CUX1: variants seen among roughly 807,000 people sequenced by gnomAD.
The protein encoded by CUX1 is cut like homeobox 1.
In CUX1, 31 loss-of-function variants were observed where a neutral mutation model predicts 158.8. The ratio of observed to expected loss-of-function variants is 0.20; its 90% CI spans 0.15 to 0.26. The LOEUF (loss-of-function observed/expected upper bound fraction) is 0.26. CUX1 is among the 10% of genes least tolerant of loss of function. The pLI is 1.00. For synonymous variants in CUX1, 879 were observed against 862.1 expected (o/e 1.02, Z -0.34); for missense variants, 1,589 against 2,014.6 (o/e 0.79, Z 4.04).
chr7:101,929,936 G>A (rs1472262537), intron 2 of CUX1, among the ~76,000 whole-genome samples: 1 of 152,098 alleles, frequency 6.6e-6, no homozygotes, highest in African/African-American at 2.4e-5. Flanking sequence ...CTACCTCCCG[G>A]GTTCAAGCGA....
chr7:102,141,789 A>ATTTTTTTTTTTTT (rs71123009), intron 8 of CUX1, among the ~76,000 whole-genome samples: 350 of 102,536 alleles, frequency 3.4e-3, no homozygotes, highest in East Asian at 4.8e-3. Flanking sequence ...CTCTCAGCTA[A>ATTTTTTTTTTTTT]TTTTTTTTTT....
chr7:101,952,518 C>G (rs867414288), intron 2 of CUX1, among the ~76,000 whole-genome samples: 29 of 152,230 alleles, frequency 1.9e-4, no homozygotes, highest in Non-Finnish European at 1.0e-4. Flanking sequence ...TACGGAACCC[C>G]GAGTACCTTT....
chr7:102,252,956 G>C lies in CUX1; in HGVS notation c.*3914G>C. 1 of 985,380 alleles carries C rather than the reference G, an allele frequency of 1.0e-6. No individual in the cohort carries two copies. The highest frequency in any genetic ancestry group is 1.2e-6 in the Non-Finnish European group (1 of 829,934). 61.0% of individuals were successfully genotyped at this position (985,380 alleles called of 1,614,324 possible). On this transcript the variant is annotated 3_prime_UTR_variant, in exon 24 of 24. Transcript: ENST00000292535. ...TGACAGCCCAGGGATGCATGCATGG[G>C]AGAACTCTCTGAGAAATGCCAGGAT... is the stretch of plus-strand genomic sequence containing the variant.
rs1823380587 is a variant in CUX1, at chr7:102,050,616, C to T, written c.190-19723C>T. ...TATGCCCCATTTCGGGAGAGGTAAC[C>T]AGCCCCTAGTTGCCCTGGCCAGAAC... On this transcript the variant is annotated intron_variant, in intron 3 of 23. Coordinates refer to ENST00000292535, the MANE Select transcript of CUX1 (RefSeq NM_181552.4). 2.0e-5 allele frequency among the ~76,000 whole-genome samples: 3 copies of T among 152,226 alleles called. No individual in the cohort carries two copies. In the South Asian group the frequency reaches 6.2e-4, roughly 32 times the overall value.
At chr7:102,134,531 G>A (rs531348782) in intron 8 of CUX1, among the ~76,000 whole-genome samples, 7 of 152,266 alleles carry the variant, frequency 4.6e-5, no homozygotes, top group South Asian at 2.1e-4. Context: ...AAGCATCTGC[G>A]TCAGACTGAC....
At chr7:101,817,061 C>T (rs1245534788), upstream of CUX1, 49 of 984,370 alleles carry the variant, frequency 5.0e-5, no homozygotes, top group Non-Finnish European at 5.9e-5. The surrounding 1 kb of genome is among the most constrained non-coding windows in gnomAD (Gnocchi z 4.1). Context: ...TTTGGGGAAA[C>T]TTGGCGAGGG....
chr7:102,262,247 CA>C (rs1328483537), downstream of CUX1, among the ~76,000 whole-genome samples: 18 of 152,116 alleles, frequency 1.2e-4, no homozygotes, highest in Admixed American at 7.9e-4. Flanking sequence ...ACTAAAAAGA[CA>C]AAAAAATTAG....
At chr7:101,929,410 C>A (rs1806037121) in intron 2 of CUX1, among the ~76,000 whole-genome samples, 1 of 152,064 alleles carries the variant, frequency 6.6e-6, no homozygotes, top group African/African-American at 2.4e-5. Context: ...TTGAGAGTAG[C>A]CCATAACTTG....
intron 2 of CUX1, among the ~76,000 whole-genome samples, chr7:101,946,575 G>T (rs1808405541): frequency 6.6e-6 from 1 of 151,576 alleles, no homozygotes; most frequent in Non-Finnish European, 1.5e-5. Flanking sequence ...AGAGAGAAGG[G>T]TTTCCAGCAG....
At chr7:102,144,635 C>T (rs996485738) in intron 8 of CUX1, among the ~76,000 whole-genome samples, 9 of 146,910 alleles carry the variant, frequency 6.1e-5, no homozygotes, top group African/African-American at 1.0e-4. Flanking sequence ...CACACCACTA[C>T]GCTCCAGCCT....
intron 21 of CUX1, among the ~76,000 whole-genome samples, chr7:102,229,769 C>A (rs781960306): frequency 2.5e-4 from 38 of 152,034 alleles, no homozygotes; most frequent in Non-Finnish European, 1.3e-4. Flanking sequence ...AGGTGCCCAC[C>A]ACCACGCCTG....
chr7:102,099,281 G>A (rs575082619), intron 5 of CUX1, among the ~76,000 whole-genome samples: 5 of 152,260 alleles, frequency 3.3e-5, no homozygotes, highest in African/African-American at 1.2e-4. Flanking sequence ...TTTAGGACTA[G>A]AAGGGACAAC....
At chr7:101,825,811 G>GCA (rs1793226888) in intron 1 of CUX1, among the ~76,000 whole-genome samples, 9 of 141,900 alleles carry the variant, frequency 6.3e-5, no homozygotes. Context: ...GCGCGCGCGC[G>GCA]CAGTTAGTCT....
At chr7:101,817,186 C>T (rs1490756791), upstream of CUX1, 68 of 984,284 alleles carry the variant, frequency 6.9e-5, no homozygotes, top group Non-Finnish European at 8.0e-5. The surrounding 1 kb of genome is among the most constrained non-coding windows in gnomAD (Gnocchi z 4.1). Context: ...AAGCTGTTCC[C>T]CCGGGTGCCC....
At chr7:102,180,108 C>A (rs1554513491) in intron 11 of CUX1, among the ~76,000 whole-genome samples, 1 of 152,100 alleles carries the variant, frequency 6.6e-6, no homozygotes, top group African/African-American at 2.4e-5. Flanking sequence ...ACTGCAACCT[C>A]CGCCTCCTGG....
intron 9 of CUX1, among the ~76,000 whole-genome samples, 196 bp downstream of exon 9, chr7:102,158,804 CAA>C (rs1790081933): frequency 1.3e-5 from 2 of 152,228 alleles, no homozygotes; most frequent in Non-Finnish European, 2.9e-5. Context: ...ATTTCCTTGG[CAA>C]AGTCTTTGAT....
rs529821120 is a variant in CUX1 at position 101,956,200 on chromosome 7, C to T, written c.141+39975C>T. On this transcript the variant is annotated intron_variant, in intron 2 of 23. Transcript: ENST00000292535. ...TGGGGGACAAAACATTCAGCGTGGC[C>T]GGCTCTCCGCATCTTACAGTGGTAG... 9.3e-5 allele frequency among the ~76,000 whole-genome samples: 14 copies of T among 150,826 alleles called. No homozygotes were observed. In the South Asian group the frequency reaches 1.9e-3, roughly 20 times the overall value.
In CUX1 at chr7:102,248,359, G is replaced by T. The variant is rs1203006828; in HGVS notation, c.3888-53G>T. The T allele has an allele frequency of 4.0e-6, 6 of 1,488,586 alleles. No homozygotes were observed. The highest frequency in any genetic ancestry group is 5.4e-6 in the Non-Finnish European group (6 of 1,108,988). 92.2% of individuals were successfully genotyped at this position (1,488,586 alleles called of 1,614,324 possible). On this transcript the variant is annotated intron_variant, in intron 23 of 23. Transcript: ENST00000292535. This position sits in a 1 kb window ranked among gnomAD's most constrained non-coding sequence, Gnocchi z 5.8. ...GGGTCTGGCTGGGGTAGCACCAGAG[G>T]CCCTTTCCCCAGCAGCACCCCCCTC... is the stretch of plus-strand genomic sequence containing the variant.
chr7:101,848,503 T>C (rs998916083), intron 1 of CUX1, among the ~76,000 whole-genome samples: 1 of 152,142 alleles, frequency 6.6e-6, no homozygotes, highest in Non-Finnish European at 1.5e-5. Context: ...AAAGAATTTG[T>C]TGGGCGAGGG....
Sources: gnomAD v4.1 joint callset for allele counts (sites outside exome capture counted in the v4.1 genomes callset) on GRCh38, gnomAD v4.1.1 for gene constraint, Gnocchi (gnomAD v3.1) non-coding constraint, MANE v1.5 for transcripts, NCBI Gene and HGNC (gene_info 2026-07-23, HGNC 2026-07-21) for gene names.